Variants in PTPRT observed in about 807,000 individuals in gnomAD.
The protein encoded by PTPRT is protein tyrosine phosphatase receptor type T, also known as receptor-type tyrosine-protein phosphatase T.
Under a neutral mutation model 176.8 loss-of-function variants are expected in PTPRT, and 56 were observed. The observed-to-expected ratio is 0.32, with a 90% CI of 0.26 to 0.40. The LOEUF (loss-of-function observed/expected upper bound fraction) is 0.40, where lower values mean the gene tolerates loss of function less well. Ranked by LOEUF, PTPRT falls within the 10% of genes least tolerant of loss-of-function variation. The pLI is 1.00. For synonymous variants in PTPRT, 783 were observed against 739.0 expected, an observed-to-expected ratio of 1.06 and a Z score of -0.96; for missense variants, 1,540 against 1,908.2, an observed-to-expected ratio of 0.81 and a Z score of 3.60.
intron 7 of PTPRT, among the ~76,000 whole-genome samples, chr20:42,527,026 C>T (rs924322938): frequency 7.2e-6 from 1 of 139,806 alleles, no homozygotes; most frequent in Non-Finnish European, 1.5e-5. Context: ...TGCAGTGGCA[C>T]GATCTCAGCT....
chr20:42,690,489 T>C (rs985731854), intron 6 of PTPRT, among the ~76,000 whole-genome samples: 2 of 152,126 alleles, frequency 1.3e-5, no homozygotes, highest in African/African-American at 4.8e-5. Flanking sequence ...GACTTGGTCA[T>C]GGATTGAATG....
intron 6 of PTPRT, among the ~76,000 whole-genome samples, chr20:42,702,000 C>A (rs529827555): frequency 4.6e-5 from 7 of 151,936 alleles, no homozygotes; most frequent in African/African-American, 7.2e-5. Context: ...CCCGCGTCAC[C>A]GAGGTTAACC....
At chr20:43,140,528 G>A (rs1484146984) in intron 1 of PTPRT, among the ~76,000 whole-genome samples, 1 of 151,666 alleles carries the variant, frequency 6.6e-6, no homozygotes, top group African/African-American at 2.4e-5. Context: ...GTACATGCAT[G>A]TGTGTGCATG....
rs562826200 is a variant in PTPRT, at chr20:42,638,077, ACACC to A, written c.1153+39785_1153+39788del. Among the ~76,000 whole-genome samples, 282 of 152,306 alleles carry A rather than the reference ACACC, an allele frequency of 1.9e-3. 2 individuals carry two copies. Among genetic ancestry groups the A allele is most frequent in the Non-Finnish European group, 3.2e-3 (215 of 68,016 alleles). ...GAAATCAGTCACAGTAGGAATATTT[ACACC>A]CAGGAAATTGGCAAACATTACAATT... On this transcript the variant is annotated intron_variant, in intron 7 of 30. Transcript: ENST00000373187.
chr20:43,135,978 T>A (rs1481734218), intron 1 of PTPRT, among the ~76,000 whole-genome samples: 1 of 152,212 alleles, frequency 6.6e-6, no homozygotes, highest in Non-Finnish European at 1.5e-5. Context: ...TTTAAAATAA[T>A]CACTTGGTGC....
chr20:42,288,963 A>G (rs2147079640), intron 12 of PTPRT, among the ~76,000 whole-genome samples: 1 of 152,192 alleles, frequency 6.6e-6, no homozygotes, highest in Middle Eastern at 3.4e-3. Flanking sequence ...CAGGGACAGA[A>G]GTAAAGCCAC....
chr20:42,185,292 T>G (rs1990730670), intron 16 of PTPRT, among the ~76,000 whole-genome samples: 1 of 152,184 alleles, frequency 6.6e-6, no homozygotes, highest in Admixed American at 6.5e-5. Context: ...TTTACTATTT[T>G]TCTTGGTTCT....
rs564315731 is a variant in PTPRT at position 42,434,521 on chromosome 20, T to G, written c.1560+13699A>C. 1.2e-3 allele frequency among the ~76,000 whole-genome samples: 182 copies of G among 152,136 alleles called. 2 individuals carry two copies. Among genetic ancestry groups the G allele is most frequent in the African/African-American group, 4.1e-3 (171 of 41,496 alleles). ...GTCTATTAGAGATTATTATAAGACT[T>G]GGGACATAATCTTATGATTTTGGAT... On this transcript the variant is annotated intron_variant, in intron 9 of 30. Transcript: ENST00000373187.
intron 21 of PTPRT, chr20:42,115,937 C>G: frequency 1.5e-6 from 1 of 679,600 alleles, no homozygotes; most frequent in East Asian, 2.7e-5. Context: ...CCTCTCTGAC[C>G]CTGGACGCGA....
chr20:42,545,735 G>T (rs2072662771), intron 7 of PTPRT, among the ~76,000 whole-genome samples: 1 of 152,146 alleles, frequency 6.6e-6, no homozygotes, highest in African/African-American at 2.4e-5. Context: ...TCTATTCTGG[G>T]TTTGACCCTA....
At chr20:42,094,805 G>A (rs949800259) in intron 27 of PTPRT, among the ~76,000 whole-genome samples, 2 of 152,084 alleles carry the variant, frequency 1.3e-5, no homozygotes, top group Non-Finnish European at 1.5e-5. Context: ...CAGGAGAATC[G>A]CTTGAACCCA....
intron 18 of PTPRT, 147 bp downstream of exon 18, chr20:42,141,768 T>C (rs569614239): frequency 1.2e-5 from 9 of 774,142 alleles, no homozygotes; most frequent in Middle Eastern, 2.5e-4. Context: ...GTAAGGCTGA[T>C]ATAAAGCTTC....
At chr20:42,507,731 G>A (rs945179396) in intron 7 of PTPRT, among the ~76,000 whole-genome samples, 4 of 151,976 alleles carry the variant, frequency 2.6e-5, no homozygotes, top group East Asian at 1.9e-4. Context: ...AAATGCCAGC[G>A]GGCCGGTTTC....
the PTPRT span, among the ~76,000 whole-genome samples, chr20:42,041,694 T>C: frequency 2.0e-5 from 3 of 152,342 alleles, no homozygotes; most frequent in South Asian, 2.1e-4. Flanking sequence ...AATGTTCTCG[T>C]ATAATGGGGG....
intron 6 of PTPRT, among the ~76,000 whole-genome samples, chr20:42,680,840 C>A (rs1012079686): frequency 1.3e-5 from 2 of 152,182 alleles, no homozygotes; most frequent in African/African-American, 4.8e-5. Context: ...AGTATAGTAA[C>A]AAACATCCCC....
chr20:43,163,129 C>G (rs2014745313), intron 1 of PTPRT, among the ~76,000 whole-genome samples: 1 of 152,190 alleles, frequency 6.6e-6, no homozygotes, highest in African/African-American at 2.4e-5. Flanking sequence ...GCAATCCTTA[C>G]AAAAGTTTGC....
intron 1 of PTPRT, among the ~76,000 whole-genome samples, chr20:42,896,798 C>A (rs1297116160): frequency 6.6e-6 from 1 of 152,064 alleles, no homozygotes; most frequent in Non-Finnish European, 1.5e-5. Flanking sequence ...CCTCAACCCC[C>A]AAATCATGGA....
intron 15 of PTPRT, 27 bp from the exon 16 acceptor site, chr20:42,199,415 A>T: frequency 1.2e-6 from 2 of 1,608,506 alleles, no homozygotes; most frequent in South Asian, 1.1e-5. Context: ...AGGGGAAAAA[A>T]CCACAGTCAG....
chr20:43,015,827 G>A (rs923426828), intron 1 of PTPRT, among the ~76,000 whole-genome samples: 9 of 151,708 alleles, frequency 5.9e-5, no homozygotes, highest in African/African-American at 2.2e-4. Flanking sequence ...ATTCATATAA[G>A]TTACACCTGT....
Sources: gnomAD v4.1 joint callset for allele counts (sites outside exome capture counted in the v4.1 genomes callset) on GRCh38, gnomAD v4.1.1 for gene constraint, MANE v1.5 for transcripts, NCBI Gene and HGNC (gene_info 2026-07-23, HGNC 2026-07-21) for gene names.